GABRG2: variants seen among roughly 807,000 people sequenced by gnomAD.
The protein encoded by GABRG2 is gamma-aminobutyric acid receptor subunit gamma-2.
Under a neutral mutation model 56.4 loss-of-function variants are expected in GABRG2, and 16 were observed. The ratio of observed to expected loss-of-function variants is 0.28; its 90% CI spans 0.19 to 0.43. The LOEUF (loss-of-function observed/expected upper bound fraction) is 0.43, where lower values mean the gene tolerates loss of function less well. Ranked by LOEUF, GABRG2 falls within the 20% of genes least tolerant of loss-of-function variation. The probability of loss-of-function intolerance (pLI) is 1.00; values close to 1 mark genes in which losing one functional copy is unlikely to be tolerated. For missense variants in GABRG2, 327 were observed against 582.7 expected, an observed-to-expected ratio of 0.56 and a Z score of 4.52; for synonymous variants, 208 against 205.5, an observed-to-expected ratio of 1.01 and a Z score of -0.10.
At chr5:162,127,913 C>A (rs79010797) in intron 6 of GABRG2, among the ~76,000 whole-genome samples, 2 of 151,840 alleles carry the variant, frequency 1.3e-5, no homozygotes, top group Non-Finnish European at 2.9e-5. Flanking sequence ...ACCACATGGA[C>A]GTAGTGAGAG....
At chr5:162,083,090 T>C (rs1759792070) in intron 1 of GABRG2, among the ~76,000 whole-genome samples, 1 of 151,826 alleles carries the variant, frequency 6.6e-6, no homozygotes, top group Non-Finnish European at 1.5e-5. Context: ...TATGTACACA[T>C]GTTGTTAAAA....
intron 1 of GABRG2, among the ~76,000 whole-genome samples, chr5:162,072,546 A>G (rs1758757169): frequency 6.6e-6 from 1 of 152,212 alleles, no homozygotes; most frequent in African/African-American, 2.4e-5. Context: ...TCAGGTAGAC[A>G]TGCAGAAGAC....
chr5:162,081,436 C>G (rs1759658561), intron 1 of GABRG2, among the ~76,000 whole-genome samples: 1 of 151,972 alleles, frequency 6.6e-6, no homozygotes, highest in African/African-American at 2.4e-5. Context: ...CAGCCCAAAT[C>G]AGTATTCTTG....
At chr5:162,142,025 C>A in intron 6 of GABRG2, 139 bp from the exon 7 acceptor site, 1 of 1,115,866 alleles carries the variant, frequency 9.0e-7, no homozygotes, top group Non-Finnish European at 1.3e-6. Context: ...CCCAAGCGGG[C>A]AAAAATAGTT....
intron 5 of GABRG2, chr5:162,102,723 G>A (rs1284548240): frequency 5.1e-6 from 2 of 394,502 alleles, no homozygotes; most frequent in Non-Finnish European, 1.0e-5. Context: ...TAGAGATGGG[G>A]CGTCGCCATG....
intron 2 of GABRG2, among the ~76,000 whole-genome samples, 195 bp from the exon 3 acceptor site, chr5:162,095,300 G>A (rs1279463560): frequency 6.6e-6 from 1 of 152,094 alleles, no homozygotes; most frequent in East Asian, 1.9e-4. Flanking sequence ...CTTGGTGCAT[G>A]TGCATACTTA....
intron 6 of GABRG2, among the ~76,000 whole-genome samples, chr5:162,115,294 G>A (rs1365295698): frequency 6.6e-6 from 1 of 152,082 alleles, no homozygotes; most frequent in Non-Finnish European, 1.5e-5. Context: ...CTGAAACACT[G>A]TGTCATATTT....
chr5:162,137,235 T>G (rs1764202809), intron 6 of GABRG2, among the ~76,000 whole-genome samples: 1 of 152,202 alleles, frequency 6.6e-6, no homozygotes, highest in South Asian at 2.1e-4. Context: ...TGGTGCCAAT[T>G]GCATGGAAAT....
chr5:162,089,500 A>C (rs1022775848), intron 1 of GABRG2, among the ~76,000 whole-genome samples: 1 of 152,176 alleles, frequency 6.6e-6, no homozygotes, highest in Non-Finnish European at 1.5e-5. Flanking sequence ...TCCCGCATGT[A>C]TGTCTTGATA....
intron 4 of GABRG2, among the ~76,000 whole-genome samples, 177 bp from the exon 5 acceptor site, chr5:162,101,058 C>T (rs1442470680): frequency 6.6e-6 from 1 of 152,110 alleles, no homozygotes; most frequent in East Asian, 1.9e-4. Context: ...GAACAGACTA[C>T]ATTAAGTCTT....
chr5:162,098,342 T>C (rs1761153578), intron 4 of GABRG2: 1 of 156,642 alleles, frequency 6.4e-6, no homozygotes, highest in South Asian at 1.9e-4. Context: ...TAATAGGCTA[T>C]TTAAATTAAT....
intron 1 of GABRG2, among the ~76,000 whole-genome samples, chr5:162,069,389 T>C (rs144086417): frequency 1.4e-4 from 22 of 152,282 alleles, no homozygotes; most frequent in African/African-American, 4.8e-4. Context: ...TGCCCTAACA[T>C]TTTTTTGTGG....
rs796052503 is a variant in GABRG2 at position 162,093,940 on chromosome 5, C to T, written c.220C>T (p.Leu74=). 1 of 1,613,294 alleles carries T rather than the reference C, an allele frequency of 6.2e-7. No homozygotes were observed. Among genetic ancestry groups the T allele is most frequent in the Non-Finnish European group, 8.5e-7 (1 of 1,179,530 alleles). ...GDVTVILNNL[L]EGYDNKLRPD... is the part of the protein sequence containing the mutation. ...TGTCACTGTCATCTTAAACAACCTGCTGGAAGGATATGACAATAAACTTCG... is the reference window on the plus strand; with the variant it reads ...TGTCACTGTCATCTTAAACAACCTGTTGGAAGGATATGACAATAAACTTCG... The change falls in exon 2 of 10, where the codon CTG becomes TTG. Residue 74 remains leucine (L), a synonymous_variant. Transcript: ENST00000639213.
rs1442687968 is a variant in GABRG2, at chr5:162,154,480, C to T, written c.*1112C>T. On this transcript the variant is annotated 3_prime_UTR_variant, in exon 10 of 10. Coordinates refer to ENST00000639213, the MANE Select transcript of GABRG2 (RefSeq NM_198904.4). ...CTGTGCTGGCCTGAAACCAGTGACT[C>T]ATCTTCTCACATAGGTGTTGTCAAG... 1.3e-5 allele frequency: 2 copies of T among 152,176 alleles called. No homozygotes were observed. Among genetic ancestry groups the T allele is most frequent in the Non-Finnish European group, 2.9e-5 (2 of 68,030 alleles). 9.4% of individuals were successfully genotyped at this position (152,176 alleles called of 1,614,324 possible). A position where few individuals can be genotyped will look rare whatever the true frequency, so the allele number is the denominator to read the frequency against.
At chr5:162,102,691 CA>C in intron 5 of GABRG2, 1 of 425,660 alleles carries the variant, frequency 2.3e-6, no homozygotes, top group Non-Finnish European at 4.8e-6. Context: ...CCACCATACC[CA>C]GCTAATTTCT....
At chr5:162,094,045 A>T in intron 2 of GABRG2, 66 bp downstream of exon 2, 1 of 1,512,952 alleles carries the variant, frequency 6.6e-7, no homozygotes, top group African/African-American at 1.4e-5. Flanking sequence ...TTTAATAGAT[A>T]AAACATCAGT....
At chr5:162,074,161 G>A (rs1005905360) in intron 1 of GABRG2, among the ~76,000 whole-genome samples, 3 of 151,778 alleles carry the variant, frequency 2.0e-5, no homozygotes, top group Non-Finnish European at 2.9e-5. Context: ...ACACATTAGT[G>A]GTTTAGGGTA....
At position 162,102,510 on chromosome 5, in the gene GABRG2, TTTG is replaced by T. The variant is rs573973136; in HGVS notation, c.631+1211_631+1213del. 3.2e-4 allele frequency: 145 copies of T among 453,918 alleles called. 1 individual carries two copies. Among genetic ancestry groups the T allele is most frequent in the Non-Finnish European group, 2.7e-4 (61 of 226,822 alleles). The allele number at this position is 453,918 out of a possible 1,614,324, so 28.1% of individuals were successfully genotyped here. The stretch of plus-strand genomic sequence containing the variant: ...ACATTCTCTGCCTCATATCATCATT[TTTG>T]TTGTTGTTGTTGTTGTTTTGTTTTG... On this transcript the variant is annotated intron_variant, in intron 5 of 9. Transcript: ENST00000639213.
chr5:162,082,498 T>C (rs1315854049), intron 1 of GABRG2, among the ~76,000 whole-genome samples: 2 of 151,774 alleles, frequency 1.3e-5, no homozygotes, highest in Non-Finnish European at 3.0e-5. Flanking sequence ...ATTGGGGATT[T>C]TTTATATTGT....
Sources: allele counts gnomAD v4.1 joint callset (sites outside exome capture counted in the v4.1 genomes callset), GRCh38; gene constraint gnomAD v4.1.1; transcripts MANE v1.5; gene names NCBI Gene and HGNC (gene_info 2026-07-23, HGNC 2026-07-21).